The following ZNF423 variants were observed in gnomAD, a reference collection of about 807,000 sequenced individuals.
ZNF423 encodes zinc finger protein 423.
A neutral mutation model predicts 95.8 loss-of-function variants in ZNF423; 12 were observed. The observed-to-expected ratio is 0.13, with a 90% CI of 0.08 to 0.20. The LOEUF is 0.20. Among genes scored for constraint, ZNF423 ranks in the 10% least tolerant of loss-of-function variants. The probability of loss-of-function intolerance (pLI) is 1.00; values close to 1 mark genes in which losing one functional copy is unlikely to be tolerated. For missense variants in ZNF423, 1,316 were observed against 1,737.1 expected (o/e 0.76, Z 4.31); for synonymous variants, 749 against 711.9 (o/e 1.05, Z -0.83).
Position 49,575,080 on chromosome 16 carries a change from C to T in ZNF423, c.3602-49586G>A, listed in dbSNP as rs146021578. 5.4e-3 allele frequency among the ~76,000 whole-genome samples: 819 copies of T among 152,212 alleles called. 7 individuals carry two copies. Among genetic ancestry groups the T allele is most frequent in the African/African-American group, 0.018 (756 of 41,524 alleles). ...GTCGGGCCCATACCAGACTGCCAGC[C>T]GGAACCAGGAGTCATTGCAGGAGCC... On this transcript the variant is annotated intron_variant, in intron 5 of 7. Coordinates refer to ENST00000563137, the MANE Select transcript of ZNF423 (RefSeq NM_001379286.1).
intron 2 of ZNF423, among the ~76,000 whole-genome samples, chr16:49,787,442 T>G (rs1178780884): frequency 1.3e-5 from 2 of 152,078 alleles, no homozygotes; most frequent in Non-Finnish European, 2.9e-5. Context: ...ACTGGCACCG[T>G]GGCGAGCCAC....
chr16:49,825,509 C>T (rs919341058), intron 1 of ZNF423, among the ~76,000 whole-genome samples: 7 of 151,560 alleles, frequency 4.6e-5, no homozygotes, highest in African/African-American at 7.3e-5. Context: ...ACAATGGCAC[C>T]GGGTCTAACA....
Position 49,661,294 on chromosome 16 carries a change from C to T in ZNF423, c.302-22420G>A, listed in dbSNP as rs1406605351. Among the ~76,000 whole-genome samples, 4 of 151,788 alleles carry T rather than the reference C, an allele frequency of 2.6e-5. No individual in the cohort carries two copies. The East Asian group carries it at 5.8e-4, about 22-fold the overall frequency. On this transcript the variant is annotated intron_variant, in intron 3 of 7. Transcript: ENST00000563137. ...TCTCCATATTTTTCCGGGAAAACAC[C>T]CCTCAAGTGGATGCCTTTCTTCACA...
chr16:49,498,535 A>T (rs967954078), intron 7 of ZNF423, among the ~76,000 whole-genome samples: 1 of 152,206 alleles, frequency 6.6e-6, no homozygotes, highest in African/African-American at 2.4e-5. Flanking sequence ...ATGGGGAGCC[A>T]TGGAAGGTAT....
chr16:49,788,516 G>A (rs12928289), intron 2 of ZNF423, among the ~76,000 whole-genome samples: 31,910 of 152,152 alleles, frequency 0.21, 3,407 homozygotes, highest in East Asian at 0.32. Flanking sequence ...GCCTAACCGC[G>A]TTTCTGAAAT....
chr16:49,828,377 G>T (rs575399350), intron 1 of ZNF423, among the ~76,000 whole-genome samples: 1 of 152,214 alleles, frequency 6.6e-6, no homozygotes, highest in Non-Finnish European at 1.5e-5. Flanking sequence ...CATGTAACTT[G>T]TGATGGCTTT....
chr16:49,759,390 C>T (rs886180432), intron 2 of ZNF423, among the ~76,000 whole-genome samples: 4 of 150,476 alleles, frequency 2.7e-5, no homozygotes, highest in Non-Finnish European at 5.9e-5. Flanking sequence ...CAGGGCGAGA[C>T]GCCACCTCAG....
chr16:49,747,817 A>T (rs2033556536), intron 2 of ZNF423, among the ~76,000 whole-genome samples: 1 of 152,246 alleles, frequency 6.6e-6, no homozygotes, highest in African/African-American at 2.4e-5. Context: ...CTTTCTCAGA[A>T]TCTGTGACGC....
intron 1 of ZNF423, among the ~76,000 whole-genome samples, chr16:49,842,903 C>T (rs895991725): frequency 6.7e-6 from 1 of 149,336 alleles, no homozygotes; most frequent in Non-Finnish European, 1.5e-5. Context: ...CACTTGAACC[C>T]GGGAGGCGGA....
At chr16:49,517,333 G>T (rs1228575372) in intron 7 of ZNF423, among the ~76,000 whole-genome samples, 3 of 152,226 alleles carry the variant, frequency 2.0e-5, no homozygotes, top group African/African-American at 4.8e-5. Context: ...ACTGCCAAAA[G>T]TCTTGGAGCC....
chr16:49,842,619 T>G (rs918234675), intron 1 of ZNF423, among the ~76,000 whole-genome samples: 2 of 151,806 alleles, frequency 1.3e-5, no homozygotes, highest in African/African-American at 4.8e-5. Context: ...CACTAATAAT[T>G]AGGGAAGTGC....
Position 49,525,468 on chromosome 16 carries a change from G to A in ZNF423, c.3628C>T (p.Leu1210=), listed in dbSNP as rs1968566698. The A allele has an allele frequency of 2.5e-6, 4 of 1,614,056 alleles. No individual in the cohort carries two copies. Among genetic ancestry groups the A allele is most frequent in the Non-Finnish European group, 3.4e-6 (4 of 1,179,974 alleles). ...GGGGAGTCGAACATCTGGTTGCACA[G>A]CTTACACTCGTGGTTGATGCCTTCC... ...IEEGINHECK[L]CNQMFDSPAK... Residue 1210 remains leucine, a synonymous_variant, in exon 6 of 8, where the codon CTG becomes TTG. Coordinates refer to ENST00000563137, the MANE Select transcript of ZNF423 (RefSeq NM_001379286.1).
At chr16:49,569,161 C>T (rs1228361436) in intron 5 of ZNF423, among the ~76,000 whole-genome samples, 3 of 152,216 alleles carry the variant, frequency 2.0e-5, no homozygotes, top group Non-Finnish European at 2.9e-5. Flanking sequence ...CTTCAGGCCG[C>T]TATCTTTTCC....
chr16:49,790,532 G>A (rs758970597), intron 1 of ZNF423, among the ~76,000 whole-genome samples: 8 of 152,266 alleles, frequency 5.3e-5, no homozygotes, highest in Non-Finnish European at 1.2e-4. Flanking sequence ...GAAAACCACT[G>A]TTGACCGGGG....
chr16:49,809,354 G>A (rs182986196), intron 1 of ZNF423, among the ~76,000 whole-genome samples: 1 of 152,302 alleles, frequency 6.6e-6, no homozygotes, highest in African/African-American at 2.4e-5. Context: ...CGTGCAAAGC[G>A]GCATAGGCTG....
At chr16:49,758,389 T>A (rs1244553575) in intron 2 of ZNF423, among the ~76,000 whole-genome samples, 1 of 152,130 alleles carries the variant, frequency 6.6e-6, no homozygotes. Context: ...TCCACCCCCC[T>A]CAGCCTCCCA....
intron 5 of ZNF423, among the ~76,000 whole-genome samples, chr16:49,577,903 T>C: frequency 6.6e-6 from 1 of 152,162 alleles, no homozygotes; most frequent in Non-Finnish European, 1.5e-5. Context: ...CCAGGCTGCC[T>C]CTGAAACTCT....
chr16:49,729,815 A>G (rs546477400), intron 3 of ZNF423, among the ~76,000 whole-genome samples: 1 of 152,274 alleles, frequency 6.6e-6, no homozygotes, highest in East Asian at 1.9e-4. Context: ...TTCCAAGATG[A>G]TATGAGGAGT....
chr16:49,600,935 G>A (rs1264159489), intron 5 of ZNF423, among the ~76,000 whole-genome samples: 1 of 152,180 alleles, frequency 6.6e-6, no homozygotes. Context: ...TTACTGAGGG[G>A]GTTCTCGGGT....
Sources: gnomAD v4.1 joint callset for allele counts (sites outside exome capture counted in the v4.1 genomes callset) on GRCh38, gnomAD v4.1.1 for gene constraint, MANE v1.5 for transcripts, NCBI Gene and HGNC (gene_info 2026-07-23, HGNC 2026-07-21) for gene names.